The following ATP9B variants were observed in gnomAD, a reference collection of about 807,000 sequenced individuals.
The protein encoded by ATP9B is ATPase phospholipid transporting 9B.
A neutral mutation model predicts 146.1 loss-of-function variants in ATP9B; 110 were observed. The observed-to-expected ratio is 0.75, with a 90% CI of 0.65 to 0.88. ATP9B has a LOEUF of 0.88. Ranked by LOEUF, ATP9B falls within the 40% of genes least tolerant of loss-of-function variation. ATP9B has a pLI of 0.00. For missense variants in ATP9B, 1,499 were observed against 1,496.4 expected (o/e 1.00, Z -0.03); for synonymous variants, 604 against 569.7 (o/e 1.06, Z -0.86).
At chr18:79,246,551 G>T (rs577398537) in intron 11 of ATP9B, among the ~76,000 whole-genome samples, 4 of 152,226 alleles carry the variant, frequency 2.6e-5, no homozygotes, top group Non-Finnish European at 5.9e-5. Flanking sequence ...CATTCTGCGT[G>T]ACAAAACATA....
rs976794476 is a variant in ATP9B at position 79,348,196 on chromosome 18, G to C, written c.2903G>C (p.Gly968Ala). 1 of 1,612,392 alleles carries C rather than the reference G, an allele frequency of 6.2e-7. No homozygotes were observed. The highest frequency in any genetic ancestry group is 1.7e-5 in the Admixed American group (1 of 59,926). The change falls in exon 25 of 30, where the codon GGG becomes GCG. Residue 968 changes from glycine to alanine, a missense_variant and splice_region_variant. Transcript: ENST00000426216. ...TTGTATCAGGGCTTCCTCATGGTGG[G>C]GTAAGTTACACTCAGAACCTGCCAG... ...VPLYQGFLMV[G>A]YATIYTMFPV... is the part of the protein sequence containing the mutation.
At chr18:79,305,118 G>A (rs1198898489) in intron 14 of ATP9B, among the ~76,000 whole-genome samples, 1 of 152,194 alleles carries the variant, frequency 6.6e-6, no homozygotes, top group Non-Finnish European at 1.5e-5. Context: ...ACTTGCAGAG[G>A]CCACCTGGCG....
chr18:79,310,365 T>A (rs1158395852), intron 15 of ATP9B, among the ~76,000 whole-genome samples: 1 of 152,230 alleles, frequency 6.6e-6, no homozygotes, highest in African/African-American at 2.4e-5. Context: ...AATTGCCTTA[T>A]GAGTAATAAC....
chr18:79,293,185 A>T (rs1287925101), intron 13 of ATP9B, among the ~76,000 whole-genome samples: 3 of 151,604 alleles, frequency 2.0e-5, no homozygotes, highest in East Asian at 3.9e-4. Context: ...ACTTGTACCT[A>T]AAAGCTAACT....
chr18:79,168,795 T>G (rs1568320743), intron 7 of ATP9B, among the ~76,000 whole-genome samples: 1 of 152,136 alleles, frequency 6.6e-6, no homozygotes, highest in Non-Finnish European at 1.5e-5. Flanking sequence ...CCTTCCTTAA[T>G]TAGGAGTGCT....
chr18:79,203,836 G>A (rs760363239), intron 9 of ATP9B, among the ~76,000 whole-genome samples: 2 of 152,132 alleles, frequency 1.3e-5, no homozygotes, highest in Non-Finnish European at 2.9e-5. Context: ...GTAGGAATGA[G>A]GATGTCTATC....
intron 1 of ATP9B, among the ~76,000 whole-genome samples, chr18:79,094,151 C>T (rs1262992990): frequency 6.6e-6 from 1 of 152,070 alleles, no homozygotes; most frequent in African/African-American, 2.4e-5. Context: ...CTTGGCTGTG[C>T]CATCTGCTCC....
chr18:79,333,421 G>A (rs915208222), intron 17 of ATP9B, among the ~76,000 whole-genome samples: 1 of 152,146 alleles, frequency 6.6e-6, no homozygotes, highest in South Asian at 2.1e-4. Context: ...CACAAACCAG[G>A]TTTACTAGTA....
At chr18:79,094,787 T>C (rs1181780340) in intron 1 of ATP9B, among the ~76,000 whole-genome samples, 1 of 152,220 alleles carries the variant, frequency 6.6e-6, no homozygotes, top group South Asian at 2.1e-4. Flanking sequence ...TAAGCTGCCC[T>C]TGTCTTGAAA....
chr18:79,099,982 G>A (rs2075134182), intron 2 of ATP9B, among the ~76,000 whole-genome samples: 1 of 152,018 alleles, frequency 6.6e-6, no homozygotes, highest in Admixed American at 6.6e-5. Context: ...AAAATTAGCT[G>A]GGCATGGTGG....
chr18:79,349,477 T>A (rs2147608564), intron 25 of ATP9B, among the ~76,000 whole-genome samples: 1 of 152,286 alleles, frequency 6.6e-6, no homozygotes. Context: ...CTCCTCACCG[T>A]CACGCAGCCA....
chr18:79,276,203 G>A (rs547333776), intron 12 of ATP9B, among the ~76,000 whole-genome samples: 4 of 152,238 alleles, frequency 2.6e-5, no homozygotes, highest in African/African-American at 9.6e-5. Flanking sequence ...AAAGTGATGT[G>A]ATGTGAGCTC....
intron 13 of ATP9B, among the ~76,000 whole-genome samples, chr18:79,278,448 G>C (rs1167760994): frequency 6.6e-6 from 1 of 152,148 alleles, no homozygotes; most frequent in Admixed American, 6.5e-5. Context: ...CCAACTGTCA[G>C]GTAACGTAAG....
intron 13 of ATP9B, among the ~76,000 whole-genome samples, chr18:79,301,511 G>A (rs2096590401): frequency 1.3e-5 from 2 of 152,292 alleles, no homozygotes; most frequent in South Asian, 4.2e-4. Flanking sequence ...AATGTATAAA[G>A]CACTTGTAGA....
At chr18:79,266,383 A>G (rs891578901) in intron 12 of ATP9B, among the ~76,000 whole-genome samples, 4 of 151,738 alleles carry the variant, frequency 2.6e-5, no homozygotes, top group Non-Finnish European at 5.9e-5. Flanking sequence ...AATTTTTTCT[A>G]TATATAATCA....
intron 18 of ATP9B, 39 bp downstream of exon 18, chr18:79,336,750 T>C: frequency 1.3e-6 from 2 of 1,591,126 alleles, no homozygotes; most frequent in Non-Finnish European, 1.7e-6. Flanking sequence ...CCTACGACGT[T>C]TCCTTCCTTA....
At position 79,259,473 on chromosome 18, in the gene ATP9B, C is replaced by T. The variant is rs188542101; in HGVS notation, c.1268+5932C>T. ...GTGCTAGAGGCAGAATGTTGTTTGA[C>T]AAAGTGATAAAGGTGTTCCTTCTGA... On this transcript the variant is annotated intron_variant, in intron 12 of 29. Coordinates refer to ENST00000426216, the MANE Select transcript of ATP9B (RefSeq NM_198531.5). Among the ~76,000 whole-genome samples the T allele has an allele frequency of 1.7e-4, 26 of 152,314 alleles. No homozygotes were observed. In the East Asian group the frequency reaches 4.0e-3, roughly 24 times the overall value.
chr18:79,369,737 G>A (rs1330575760), intron 26 of ATP9B, among the ~76,000 whole-genome samples: 2 of 152,200 alleles, frequency 1.3e-5, no homozygotes, highest in African/African-American at 2.4e-5. Flanking sequence ...GTGCCCCACA[G>A]CACTGAGTGC....
chr18:79,194,184 T>A (rs945356277), intron 9 of ATP9B, among the ~76,000 whole-genome samples: 1 of 152,098 alleles, frequency 6.6e-6, no homozygotes, highest in Admixed American at 6.5e-5. Context: ...CTTTTTTTTT[T>A]AAACAAAAGT....
Sources: gnomAD v4.1 joint callset for allele counts (sites outside exome capture counted in the v4.1 genomes callset) on GRCh38, gnomAD v4.1.1 for gene constraint, MANE v1.5 for transcripts, NCBI Gene and HGNC (gene_info 2026-07-23, HGNC 2026-07-21) for gene names.